The following NRG3 variants were observed in gnomAD, a reference collection of about 807,000 sequenced individuals.
NRG3 encodes the protein pro-neuregulin-3, membrane-bound isoform.
A neutral mutation model predicts 66.9 loss-of-function variants in NRG3; 31 were observed. The ratio of observed to expected loss-of-function variants is 0.46; its 90% CI spans 0.35 to 0.63. The LOEUF (loss-of-function observed/expected upper bound fraction) is 0.63, where lower values mean the gene tolerates loss of function less well. Ranked by LOEUF, NRG3 falls within the 20% of genes least tolerant of loss-of-function variation. The probability of loss-of-function intolerance (pLI) is 0.00; values close to 1 mark genes in which losing one functional copy is unlikely to be tolerated. For missense variants in NRG3, 910 were observed against 878.9 expected, an observed-to-expected ratio of 1.04 and a Z score of -0.45; for synonymous variants, 393 against 359.4, an observed-to-expected ratio of 1.09 and a Z score of -1.06.
chr10:82,352,612 T>A (rs1163224891), intron 1 of NRG3, among the ~76,000 whole-genome samples: 1 of 152,200 alleles, frequency 6.6e-6, no homozygotes, highest in African/African-American at 2.4e-5. Flanking sequence ...TTTCTCTGTC[T>A]TATAATATGT....
chr10:82,012,014 G>A (rs571764729), intron 1 of NRG3, among the ~76,000 whole-genome samples: 5 of 152,298 alleles, frequency 3.3e-5, no homozygotes, highest in Non-Finnish European at 7.4e-5. Flanking sequence ...GGGACTCTGT[G>A]TGGGGGCTCC....
chr10:81,981,824 T>G (rs928250471), intron 1 of NRG3, among the ~76,000 whole-genome samples: 8 of 152,142 alleles, frequency 5.3e-5, no homozygotes, highest in African/African-American at 1.9e-4. Flanking sequence ...CCAATAGCCT[T>G]TCTTTATTTG....
chr10:82,139,761 G>T (rs2069634789), intron 1 of NRG3, among the ~76,000 whole-genome samples: 1 of 152,150 alleles, frequency 6.6e-6, no homozygotes, highest in African/African-American at 2.4e-5. Flanking sequence ...TAATGGGAAA[G>T]CACTGCTCTA....
chr10:82,063,292 C>A (rs1036756457), intron 1 of NRG3, among the ~76,000 whole-genome samples: 3 of 144,228 alleles, frequency 2.1e-5, no homozygotes, highest in Non-Finnish European at 4.5e-5. Context: ...GTTTTTTTTT[C>A]TTTATTTTAT....
At chr10:82,569,148 C>G (rs2045588110) in intron 2 of NRG3, among the ~76,000 whole-genome samples, 1 of 151,642 alleles carries the variant, frequency 6.6e-6, no homozygotes, top group African/African-American at 2.4e-5. Flanking sequence ...TATGAAGAGT[C>G]CATGCCTGAT....
chr10:82,318,546 T>C (rs2081407341), intron 1 of NRG3, among the ~76,000 whole-genome samples: 1 of 152,190 alleles, frequency 6.6e-6, no homozygotes, highest in Non-Finnish European at 1.5e-5. Context: ...CTGACAACTT[T>C]TGAGTCTATA....
chr10:82,259,053 G>A (rs11193225), intron 1 of NRG3, among the ~76,000 whole-genome samples: 141 of 152,218 alleles, frequency 9.3e-4, no homozygotes, highest in Non-Finnish European at 1.6e-3. Context: ...CAGTCTCTGG[G>A]ATTATTCCAG....
intron 2 of NRG3, among the ~76,000 whole-genome samples, chr10:82,648,881 GC>G (rs1384949085): frequency 6.6e-6 from 1 of 152,120 alleles, no homozygotes; most frequent in Non-Finnish European, 1.5e-5. Flanking sequence ...TGCTGAAGTT[GC>G]TGATCAGCTT....
chr10:82,734,498 C>T (rs998270394), intron 2 of NRG3, among the ~76,000 whole-genome samples: 1 of 152,072 alleles, frequency 6.6e-6, no homozygotes, highest in Non-Finnish European at 1.5e-5. Context: ...GGCCCTGAGG[C>T]TTATCAACCT....
chr10:82,830,137 A>G (rs2062445112), intron 3 of NRG3, among the ~76,000 whole-genome samples: 1 of 152,206 alleles, frequency 6.6e-6, no homozygotes, highest in Non-Finnish European at 1.5e-5. Flanking sequence ...CTGAAACTAG[A>G]ACTTCTCTTC....
At chr10:82,727,362 C>A (rs1591328267) in intron 2 of NRG3, among the ~76,000 whole-genome samples, 1 of 152,210 alleles carries the variant, frequency 6.6e-6, no homozygotes, top group South Asian at 2.1e-4. Flanking sequence ...AGGCCTAGGG[C>A]CCCTCTGCTA....
At chr10:81,991,352 A>G (rs909137678) in intron 1 of NRG3, among the ~76,000 whole-genome samples, 4 of 152,188 alleles carry the variant, frequency 2.6e-5, no homozygotes, top group Non-Finnish European at 5.9e-5. Flanking sequence ...TAAATTGTAG[A>G]TCATAGAACT....
intron 1 of NRG3, among the ~76,000 whole-genome samples, chr10:82,094,095 G>C (rs763690436): frequency 1.6e-4 from 24 of 152,058 alleles, no homozygotes; most frequent in Non-Finnish European, 3.1e-4. Context: ...CTTTTACTAG[G>C]TGCTTTTGGT....
intron 2 of NRG3, among the ~76,000 whole-genome samples, chr10:82,397,729 G>C (rs1235366822): frequency 6.6e-6 from 1 of 152,118 alleles, no homozygotes; most frequent in African/African-American, 2.4e-5. Flanking sequence ...ATGTGGTAAG[G>C]AGGCTAAACC....
chr10:82,816,933 A>G (rs1300839113), intron 3 of NRG3, among the ~76,000 whole-genome samples: 1 of 152,364 alleles, frequency 6.6e-6, no homozygotes, highest in Middle Eastern at 3.4e-3. Context: ...TCCACTTTGT[A>G]TGGAGGAATA....
intron 2 of NRG3, among the ~76,000 whole-genome samples, chr10:82,430,019 CT>C (rs1335638282): frequency 6.6e-6 from 1 of 152,036 alleles, no homozygotes; most frequent in Non-Finnish European, 1.5e-5. Context: ...CTATTTAGTA[CT>C]TTTTTATAGT....
chr10:82,433,786 C>G (rs2089967672), intron 2 of NRG3, among the ~76,000 whole-genome samples: 1 of 152,242 alleles, frequency 6.6e-6, no homozygotes, highest in Admixed American at 6.5e-5. Flanking sequence ...TCTGAGGTCT[C>G]TGTTCTACTT....
chr10:82,442,235 C>G (rs1322206124), intron 2 of NRG3, among the ~76,000 whole-genome samples: 1 of 152,198 alleles, frequency 6.6e-6, no homozygotes, highest in Non-Finnish European at 1.5e-5. Flanking sequence ...GCTAGAGACA[C>G]TACTCAGTGT....
In NRG3 at chr10:82,934,388, G is replaced by A. The variant is rs117493942; in HGVS notation, c.1055-17081G>A. 7.4e-4 allele frequency among the ~76,000 whole-genome samples: 113 copies of A among 152,300 alleles called. 1 individual carries two copies. In the East Asian group the frequency reaches 0.013, roughly 18 times the overall value. ...AATTCTATTCAGTTCAGCTGTAACC[G>A]TATCCTCCAATCACCTTGTGGGTCA... is the stretch of plus-strand genomic sequence containing the variant. On this transcript the variant is annotated intron_variant, in intron 4 of 8. Transcript: ENST00000372141.
Sources: allele counts gnomAD v4.1 joint callset (sites outside exome capture counted in the v4.1 genomes callset), GRCh38; gene constraint gnomAD v4.1.1; transcripts MANE v1.5; gene names NCBI Gene and HGNC (gene_info 2026-07-23, HGNC 2026-07-21).